The following PTPRO variants were observed in gnomAD, a reference collection of about 807,000 sequenced individuals.
PTPRO encodes protein tyrosine phosphatase receptor type O, also known as receptor-type tyrosine-protein phosphatase O.
PTPRO carries 62 observed loss-of-function variants against 145.2 expected under a neutral mutation model. The ratio of observed to expected loss-of-function variants is 0.43; its 90% CI spans 0.35 to 0.53. The LOEUF (loss-of-function observed/expected upper bound fraction) is 0.53, where lower values mean the gene tolerates loss of function less well. Ranked by LOEUF, PTPRO falls within the 20% of genes least tolerant of loss-of-function variation. The pLI, the probability that PTPRO is intolerant of heterozygous loss-of-function variation, is 0.01. For missense variants in PTPRO, 1,345 were observed against 1,482.7 expected, an observed-to-expected ratio of 0.91 and a Z score of 1.53; for synonymous variants, 565 against 514.7, an observed-to-expected ratio of 1.10 and a Z score of -1.32.
intron 1 of PTPRO, among the ~76,000 whole-genome samples, chr12:15,403,165 A>G (rs915874740): frequency 8.5e-5 from 13 of 152,106 alleles, no homozygotes; most frequent in Admixed American, 3.3e-4. Context: ...GTCTCTTCCT[A>G]TCTGGCTTGT....
rs183720198 is a variant in PTPRO, at chr12:15,581,667, T to C, written c.3133-12T>C. ...CTGTTTGTTTTAAAAAATTGTTTTG[T>C]CCTTGCTCCAGGTGAAATGTGACCA... On this transcript the variant is annotated splice_polypyrimidine_tract_variant and intron_variant, in intron 22 of 26. Transcript: ENST00000281171. 142 of 1,613,730 alleles carry C rather than the reference T, an allele frequency of 8.8e-5. No homozygotes were observed. In the African/African-American group the frequency reaches 1.7e-3, roughly 19 times the overall value.
At chr12:15,461,807 C>T (rs1431057669) in intron 1 of PTPRO, among the ~76,000 whole-genome samples, 1 of 151,896 alleles carries the variant, frequency 6.6e-6, no homozygotes, top group African/African-American at 2.4e-5. Flanking sequence ...ACCTCGTGAT[C>T]CGCCCGCCTC....
chr12:15,392,720 CAAAAA>C (rs1177789187), intron 1 of PTPRO, among the ~76,000 whole-genome samples: 1 of 66,682 alleles, frequency 1.5e-5, no homozygotes, highest in African/African-American at 6.4e-5. Flanking sequence ...GACCCTGTCT[CAAAAA>C]AAAAAAAAAA....
intron 15 of PTPRO, among the ~76,000 whole-genome samples, chr12:15,552,948 C>T (rs1943509915): frequency 6.6e-6 from 1 of 151,750 alleles, no homozygotes; most frequent in South Asian, 2.1e-4. Flanking sequence ...TACAGGCACG[C>T]ACCACTAGGC....
intron 2 of PTPRO, among the ~76,000 whole-genome samples, chr12:15,491,189 T>C (rs1014301266): frequency 3.3e-5 from 5 of 152,168 alleles, no homozygotes; most frequent in African/African-American, 9.6e-5. Flanking sequence ...CCATCAGAAG[T>C]GAGGGTCTAA....
At chr12:15,438,463 T>C (rs752275012) in intron 1 of PTPRO, among the ~76,000 whole-genome samples, 6 of 151,898 alleles carry the variant, frequency 4.0e-5, no homozygotes, top group African/African-American at 9.7e-5. Context: ...AAAGGAAATT[T>C]CTAAAGCAAC....
intron 1 of PTPRO, among the ~76,000 whole-genome samples, chr12:15,342,085 A>G (rs577519170): frequency 6.6e-6 from 1 of 152,322 alleles, no homozygotes; most frequent in South Asian, 2.1e-4. Flanking sequence ...GCATGTGTGT[A>G]GTGTGTTTCG....
intron 15 of PTPRO, among the ~76,000 whole-genome samples, chr12:15,554,114 G>T (rs1356453246): frequency 6.6e-6 from 1 of 152,156 alleles, no homozygotes; most frequent in Non-Finnish European, 1.5e-5. Flanking sequence ...GGCAGAGGTT[G>T]CGATGAGCCG....
At position 15,465,083 on chromosome 12, in the gene PTPRO, C is replaced by A. The variant is rs368392189; in HGVS notation, c.76-18891C>A. On this transcript the variant is annotated intron_variant, in intron 1 of 26. Coordinates refer to ENST00000281171, the MANE Select transcript of PTPRO (RefSeq NM_030667.3). The stretch of plus-strand genomic sequence containing the variant: ...GTTTCCTTAACACCAAATAGCACAG[C>A]ATGATTTATATAAATGCCCATCCTT... 2.6e-5 allele frequency among the ~76,000 whole-genome samples: 4 copies of A among 152,182 alleles called. No homozygotes were observed. The East Asian group carries it at 5.8e-4, about 22-fold the overall frequency.
rs1427282443 is a variant in PTPRO, at chr12:15,578,956, A to G, written c.2920+13A>G. The G allele has an allele frequency of 8.4e-6, 13 of 1,544,848 alleles. No homozygotes were observed. The highest frequency in any genetic ancestry group is 1.1e-5 in the South Asian group (1 of 89,640). On this transcript the variant is annotated intron_variant, in intron 20 of 26. Coordinates refer to ENST00000281171, the MANE Select transcript of PTPRO (RefSeq NM_030667.3). Reference sequence around the variant, plus strand: ...AACATCCTACCATGTAAGATCGTCAATTGTGCCAATAACACTCATGTCTTA... The same window carrying G: ...AACATCCTACCATGTAAGATCGTCAGTTGTGCCAATAACACTCATGTCTTA...
At chr12:15,539,965 T>C (rs1344827871) in intron 12 of PTPRO, among the ~76,000 whole-genome samples, 1 of 151,778 alleles carries the variant, frequency 6.6e-6, no homozygotes, top group Non-Finnish European at 1.5e-5. Flanking sequence ...TCAAATTACT[T>C]GTTAAATGTA....
intron 1 of PTPRO, among the ~76,000 whole-genome samples, chr12:15,332,721 C>A (rs889458144): frequency 6.6e-6 from 1 of 152,140 alleles, no homozygotes; most frequent in African/African-American, 2.4e-5. Context: ...GGTGACATTA[C>A]CAACAGCTGT....
In PTPRO at chr12:15,453,595, TTAACA is replaced by T. The variant is rs1281317475; in HGVS notation, c.76-30377_76-30373del. On this transcript the variant is annotated intron_variant, in intron 1 of 26. Coordinates refer to ENST00000281171, the MANE Select transcript of PTPRO (RefSeq NM_030667.3). ...CTTGTTTTTTATTGTGTAAGAACAC[TTAACA>T]TGAGATCTACCCTCTTAAAAAGTTA... 3.3e-5 allele frequency among the ~76,000 whole-genome samples: 5 copies of T among 150,918 alleles called. No individual in the cohort carries two copies. In the South Asian group the frequency reaches 1.0e-3, roughly 31 times the overall value.
At chr12:15,523,707 C>T (rs368848079) in intron 10 of PTPRO, among the ~76,000 whole-genome samples, 2 of 152,014 alleles carry the variant, frequency 1.3e-5, no homozygotes, top group Admixed American at 6.6e-5. Flanking sequence ...CCTGGGAGGT[C>T]GAGGCTGCAG....
chr12:15,567,423 C>G lies in PTPRO; in HGVS notation c.2747+1795C>G, dbSNP rs993163607. On this transcript the variant is annotated intron_variant, in intron 18 of 26. Coordinates refer to ENST00000281171, the MANE Select transcript of PTPRO (RefSeq NM_030667.3). Reference sequence around the variant, plus strand: ...CTGTAGATATTTGTCCTTTTGGTCTCTACTCCCTTCCAGCTTTCTTTTTCT... The same window carrying G: ...CTGTAGATATTTGTCCTTTTGGTCTGTACTCCCTTCCAGCTTTCTTTTTCT... 1.7e-4 allele frequency among the ~76,000 whole-genome samples: 26 copies of G among 152,044 alleles called. 1 individual carries two copies. The highest frequency in any genetic ancestry group is 6.0e-4 in the African/African-American group (25 of 41,474).
At chr12:15,595,216 GA>G (rs1944635429) in intron 26 of PTPRO, 159 bp downstream of exon 26, 2 of 649,964 alleles carry the variant, frequency 3.1e-6, no homozygotes, top group Non-Finnish European at 5.6e-6. Flanking sequence ...GTCACAGGGA[GA>G]AACAAGTACT....
intron 12 of PTPRO, among the ~76,000 whole-genome samples, chr12:15,543,615 G>T (rs1027233087): frequency 6.6e-6 from 1 of 152,120 alleles, no homozygotes; most frequent in Non-Finnish European, 1.5e-5. Context: ...AGTACCTATA[G>T]GTGGCTACTT....
intron 1 of PTPRO, among the ~76,000 whole-genome samples, chr12:15,417,500 C>T (rs1199176148): frequency 2.0e-5 from 3 of 151,670 alleles, no homozygotes; most frequent in Non-Finnish European, 4.4e-5. Flanking sequence ...AACCTTGCTT[C>T]TCAGTGTGAC....
intron 1 of PTPRO, among the ~76,000 whole-genome samples, chr12:15,477,245 G>T (rs1398478821): frequency 1.9e-4 from 23 of 119,054 alleles, no homozygotes; most frequent in African/African-American, 7.2e-4. Context: ...GTAAACTATC[G>T]CAAGAACAAA....
Sources: allele counts gnomAD v4.1 joint callset (sites outside exome capture counted in the v4.1 genomes callset), GRCh38; gene constraint gnomAD v4.1.1; transcripts MANE v1.5; gene names NCBI Gene and HGNC (gene_info 2026-07-23, HGNC 2026-07-21).